The following DYDC2 variants were observed in gnomAD, a reference collection of about 807,000 sequenced individuals.
The protein encoded by DYDC2 is DPY30 domain-containing protein 2.
DYDC2 carries 19 observed loss-of-function variants against 18.7 expected under a neutral mutation model. The ratio of observed to expected loss-of-function variants is 1.02; its 90% CI spans 0.71 to 1.49. DYDC2 has a LOEUF of 1.49. Among genes scored for constraint, DYDC2 ranks in the 40% most tolerant of loss-of-function variants. The pLI is 0.00. For synonymous variants in DYDC2, 63 were observed against 67.6 expected (o/e 0.93, Z 0.34); for missense variants, 179 against 205.1 (o/e 0.87, Z 0.78).
intron 4 of DYDC2, among the ~76,000 whole-genome samples, chr10:80,363,639 C>T (rs917033605): frequency 1.3e-5 from 2 of 151,876 alleles, no homozygotes; most frequent in African/African-American, 2.4e-5. Context: ...TGAGCCACCA[C>T]GCCCAGCCAA....
upstream of DYDC2, chr10:80,356,780 C>T: frequency 3.0e-6 from 3 of 985,618 alleles, no homozygotes; most frequent in South Asian, 4.7e-5. Context: ...GCTCGCGCCT[C>T]AGGAGCCAGT....
chr10:80,357,858 ACT>A (rs1843483239), intron 1 of DYDC2, 33 bp from the exon 2 acceptor site: 23 of 985,358 alleles, frequency 2.3e-5, no homozygotes, highest in African/African-American at 3.5e-5. Context: ...AGGTGGCAGA[ACT>A]CTCTCAATGA....
chr10:80,356,960 G>T lies in DYDC2; in HGVS notation c.-163+135G>T, dbSNP rs1287112500. The stretch of plus-strand genomic sequence containing the variant: ...GGGGGCGCGGCAGAGTGGAGGGGGC[G>T]TGCAGGAGTAGGAGCCCGCCGCAGA... On this transcript the variant is annotated intron_variant, in intron 1 of 4. Coordinates refer to ENST00000256039, the MANE Select transcript of DYDC2 (RefSeq NM_032372.6). 4.1e-5 allele frequency: 26 copies of T among 639,360 alleles called. No individual in the cohort carries two copies. The Admixed American group carries it at 1.0e-3, about 26-fold the overall frequency. 39.6% of individuals were successfully genotyped at this position (639,360 alleles called of 1,614,324 possible). A position where few individuals can be genotyped will look rare whatever the true frequency, so the allele number is the denominator to read the frequency against.
Position 80,366,853 on chromosome 10 carries a change from G to T in DYDC2, c.436G>T (p.Asp146Tyr). Residue 146 changes from aspartate (D) to tyrosine (Y), a missense_variant, in exon 5 of 5, where the codon GAC becomes TAC. Coordinates refer to ENST00000256039, the MANE Select transcript of DYDC2 (RefSeq NM_032372.6). ...VPPSESAGQI[D>Y]QNFKMPQEIN... ...TCCTTCAGAGTCTGCTGGCCAGATT[G>T]ACCAGAACTTCAAAATGCCACAAGA... 1 of 1,614,142 alleles carries T rather than the reference G, an allele frequency of 6.2e-7. No individual in the cohort carries two copies. The highest frequency in any genetic ancestry group is 1.1e-5 in the South Asian group (1 of 91,062).
At chr10:80,359,542 G>A (rs1004665662) in intron 2 of DYDC2, among the ~76,000 whole-genome samples, 7 of 152,186 alleles carry the variant, frequency 4.6e-5, no homozygotes, top group East Asian at 1.9e-4. Context: ...GCACCGCGGA[G>A]CAGTGGGTGG....
chr10:80,367,018 G>C lies in DYDC2; in HGVS notation c.*67G>C. The C allele has an allele frequency of 6.5e-7, 1 of 1,539,892 alleles. No homozygotes were observed. The highest frequency in any genetic ancestry group is 8.7e-7 in the Non-Finnish European group (1 of 1,149,150). ...TAGAAGCCAAGAAAATGGCCAGCTA[G>C]AACCAAGATTTAAGGGGCTGTAAAA... On this transcript the variant is annotated 3_prime_UTR_variant, in exon 5 of 5. Coordinates refer to ENST00000256039, the MANE Select transcript of DYDC2 (RefSeq NM_032372.6).
At chr10:80,363,322 T>A (rs965211408) in intron 4 of DYDC2, among the ~76,000 whole-genome samples, 2 of 150,766 alleles carry the variant, frequency 1.3e-5, no homozygotes, top group Non-Finnish European at 2.9e-5. Context: ...TGTTACTGGT[T>A]TTAAAAAAAA....
chr10:80,355,986 TAA>T (rs370903702), upstream of DYDC2, among the ~76,000 whole-genome samples: 92 of 118,820 alleles, frequency 7.7e-4, no homozygotes, highest in Middle Eastern at 4.1e-3. Flanking sequence ...GAAGTGAAGT[TAA>T]AAAAAAAAAA....
intron 2 of DYDC2, among the ~76,000 whole-genome samples, chr10:80,358,300 C>T (rs1843512222): frequency 6.6e-6 from 1 of 152,136 alleles, no homozygotes; most frequent in African/African-American, 2.4e-5. Flanking sequence ...ATTGCTTGAA[C>T]CAAGGAGGCA....
upstream of DYDC2, chr10:80,356,717 C>G (rs1166188688): frequency 1.0e-6 from 1 of 984,954 alleles, no homozygotes; most frequent in East Asian, 1.1e-4. Flanking sequence ...CTCACCCCTA[C>G]ACACGCGCCT....
chr10:80,363,223 A>G (rs906107786), intron 4 of DYDC2, 150 bp downstream of exon 4: 11 of 639,096 alleles, frequency 1.7e-5, no homozygotes, highest in African/African-American at 1.1e-4. Context: ...ACATATTTGC[A>G]TATAAACCAA....
At position 80,366,743 on chromosome 10, in the gene DYDC2, C is replaced by T; in HGVS notation, c.326C>T (p.Thr109Ile). 2.5e-6 allele frequency: 4 copies of T among 1,614,056 alleles called. No homozygotes were observed. The highest frequency in any genetic ancestry group is 2.5e-6 in the Non-Finnish European group (3 of 1,179,972). ...AAGACCATATTCATGCAGGAGGACA[C>T]AAACCCCCTTGAGAAGGAGGCCTTG... ...TKKTIFMQED[T>I]NPLEKEALKQ... Residue 109 changes from threonine (T) to isoleucine (I), a missense_variant, in exon 5 of 5, where the codon ACA (threonine) becomes ATA (isoleucine). Physicochemically the swap from Thr to Ile is moderately conservative, Grantham distance 89. Coordinates refer to ENST00000256039, the MANE Select transcript of DYDC2 (RefSeq NM_032372.6).
At chr10:80,350,269 T>G (rs912262241) in intron 1 of DYDC2, among the ~76,000 whole-genome samples, 15 of 152,214 alleles carry the variant, frequency 9.9e-5, no homozygotes, top group Admixed American at 1.3e-4. Context: ...TTGCTAGTAT[T>G]GCCAAATTAT....
At chr10:80,363,252 T>C (rs1343392779) in intron 4 of DYDC2, among the ~76,000 whole-genome samples, 179 bp downstream of exon 4, 2 of 152,004 alleles carry the variant, frequency 1.3e-5, no homozygotes, top group East Asian at 3.8e-4. Context: ...ACAATCTTTG[T>C]TAATGAAAAA....
At chr10:80,352,593 T>A (rs999980154), upstream of DYDC2, 2 of 1,601,338 alleles carry the variant, frequency 1.2e-6, no homozygotes, top group Non-Finnish European at 1.7e-6. Context: ...GAAGATATAT[T>A]GACTCCATTT....
chr10:80,366,530 T>C (rs1440288271), intron 4 of DYDC2, among the ~76,000 whole-genome samples, 158 bp from the exon 5 acceptor site: 1 of 152,220 alleles, frequency 6.6e-6, no homozygotes, highest in Admixed American at 6.5e-5. Context: ...TGAATCAACT[T>C]GATCCTATAG....
At chr10:80,353,384 G>C (rs1388533863), upstream of DYDC2, among the ~76,000 whole-genome samples, 1 of 151,206 alleles carries the variant, frequency 6.6e-6, no homozygotes, top group Non-Finnish European at 1.5e-5. Context: ...GGATGGTCTC[G>C]ATCTCCTGAC....
chr10:80,367,113 G>A lies in DYDC2; in HGVS notation c.*162G>A. On this transcript the variant is annotated 3_prime_UTR_variant, in exon 5 of 5. Transcript: ENST00000256039. ...CTTAATCATGTGAACATTTGAACTA[G>A]TTATAGGATAAAATAAACTCAGAAT... is the stretch of plus-strand genomic sequence containing the variant. The A allele has an allele frequency of 1.3e-6, 1 of 795,160 alleles. No individual in the cohort carries two copies. The highest frequency in any genetic ancestry group is 1.9e-6 in the Non-Finnish European group (1 of 519,502). The allele number at this position is 795,160 out of a possible 1,614,324, so 49.3% of individuals were successfully genotyped here. A position where few individuals can be genotyped will look rare whatever the true frequency, so the allele number is the denominator to read the frequency against.
chr10:80,353,966 A>C (rs908937728), upstream of DYDC2, among the ~76,000 whole-genome samples: 1 of 151,972 alleles, frequency 6.6e-6, no homozygotes, highest in Non-Finnish European at 1.5e-5. Context: ...ATACAAACAA[A>C]TTAGCTGGGC....
Sources: gnomAD v4.1 joint callset for allele counts (sites outside exome capture counted in the v4.1 genomes callset) on GRCh38, gnomAD v4.1.1 for gene constraint, MANE v1.5 for transcripts, NCBI Gene and HGNC (gene_info 2026-07-23, HGNC 2026-07-21) for gene names.